Variants in CALCR observed in about 807,000 individuals in gnomAD.
CALCR encodes calcitonin receptor.
CALCR carries 47 observed loss-of-function variants against 59.5 expected under a neutral mutation model. That is an observed-to-expected ratio of 0.79 (90% CI 0.63 to 1.01). The LOEUF is 1.01. Among genes scored for constraint, CALCR ranks in the 50% least tolerant of loss-of-function variants. The pLI is 0.00. For missense variants in CALCR, 566 were observed against 597.1 expected (o/e 0.95, Z 0.54); for synonymous variants, 213 against 211.3 (o/e 1.01, Z -0.07).
At chr7:93,553,687 T>A (rs979098104) in intron 2 of CALCR, among the ~76,000 whole-genome samples, 11 of 152,160 alleles carry the variant, frequency 7.2e-5, no homozygotes, top group African/African-American at 2.7e-4. Flanking sequence ...AGTGTTGTTA[T>A]GATGATTCTA....
At chr7:93,450,299 G>T (rs118022793) in intron 8 of CALCR, among the ~76,000 whole-genome samples, 3 of 152,064 alleles carry the variant, frequency 2.0e-5, no homozygotes, top group East Asian at 3.9e-4. Context: ...CATTTGATAT[G>T]AGGTATTCTA....
In CALCR at chr7:93,426,491, G is replaced by A. The variant is rs1390708209; in HGVS notation, c.1290C>T (p.Ala430=). 8.7e-6 allele frequency: 14 copies of A among 1,613,082 alleles called. No individual in the cohort carries two copies. Among genetic ancestry groups the A allele is most frequent in the African/African-American group, 2.7e-5 (2 of 74,900 alleles). Residue 430 remains alanine (A), a synonymous_variant, in exon 14 of 14, where the codon GCC becomes GCT. Coordinates refer to ENST00000426151, the MANE Select transcript of CALCR (RefSeq NM_001742.4). ...GGATGTCGCCAGCCTCCGCAGCAGC[G>A]GCTGCAGCGCGAGCAGAGCGGTTGG... ...RPSNRSARAA[A]AAAEAGDIPI...
intron 5 of CALCR, among the ~76,000 whole-genome samples, chr7:93,475,552 T>A (rs954462493): frequency 4.6e-5 from 7 of 151,766 alleles, no homozygotes; most frequent in Non-Finnish European, 7.4e-5. Context: ...GTTTTTTTTT[T>A]AAATAAAATG....
At chr7:93,456,887 T>C (rs1800219964) in intron 8 of CALCR, among the ~76,000 whole-genome samples, 1 of 152,148 alleles carries the variant, frequency 6.6e-6, no homozygotes, top group Non-Finnish European at 1.5e-5. Flanking sequence ...TTTCTCTGGC[T>C]CCCTAAATCT....
chr7:93,544,072 A>G lies in CALCR; in HGVS notation c.-27+30217T>C, dbSNP rs569021795. Among the ~76,000 whole-genome samples, 57 of 152,232 alleles carry G rather than the reference A, an allele frequency of 3.7e-4. 1 individual carries two copies. Among genetic ancestry groups the G allele is most frequent in the African/African-American group, 1.4e-3 (57 of 41,560 alleles). On this transcript the variant is annotated intron_variant, in intron 2 of 13. Transcript: ENST00000426151. ...AGCATAACTTACGACCAATCATGAC[A>G]ATTATGACCATAAATGTAGTTGGAA... is the stretch of plus-strand genomic sequence containing the variant.
At chr7:93,574,101 T>C (rs1261540103) in intron 2 of CALCR, among the ~76,000 whole-genome samples, 188 bp downstream of exon 2, 1 of 152,218 alleles carries the variant, frequency 6.6e-6, no homozygotes, top group Admixed American at 6.5e-5. Context: ...CACCTATTTT[T>C]CTTTTTTCTT....
intron 7 of CALCR, among the ~76,000 whole-genome samples, chr7:93,463,239 T>A (rs948631876): frequency 6.6e-6 from 1 of 151,704 alleles, no homozygotes; most frequent in African/African-American, 2.4e-5. Context: ...CATATATGCA[T>A]ATAAACAGTA....
intron 2 of CALCR, among the ~76,000 whole-genome samples, chr7:93,561,843 C>T (rs1411702150): frequency 6.6e-6 from 1 of 152,014 alleles, no homozygotes; most frequent in East Asian, 1.9e-4. Flanking sequence ...AGCAAACAGG[C>T]CCTGGGTAAA....
chr7:93,529,166 G>A (rs1474220205), intron 2 of CALCR, among the ~76,000 whole-genome samples: 1 of 152,176 alleles, frequency 6.6e-6, no homozygotes, highest in African/African-American at 2.4e-5. Flanking sequence ...GGGGCCTAGT[G>A]GGAGGTGATT....
chr7:93,433,379 C>G (rs1323638810), intron 13 of CALCR, among the ~76,000 whole-genome samples: 1 of 151,992 alleles, frequency 6.6e-6, no homozygotes, highest in African/African-American at 2.4e-5. Context: ...TTGTGTGGTC[C>G]TAGAAAAAAC....
At chr7:93,466,865 A>G (rs180722510) in intron 7 of CALCR, among the ~76,000 whole-genome samples, 56 of 151,842 alleles carry the variant, frequency 3.7e-4, no homozygotes, top group Non-Finnish European at 7.2e-4. Flanking sequence ...GTAGCTTAAT[A>G]TAGAAATGAT....
At chr7:93,560,975 A>G (rs1253228798) in intron 2 of CALCR, among the ~76,000 whole-genome samples, 2 of 152,226 alleles carry the variant, frequency 1.3e-5, no homozygotes, top group Admixed American at 1.3e-4. Context: ...ATTGACTGCT[A>G]TATGCCTTGT....
chr7:93,531,933 A>G (rs7810429), intron 2 of CALCR, among the ~76,000 whole-genome samples: 56,271 of 151,838 alleles, frequency 0.37, 11,498 homozygotes, highest in Non-Finnish European at 0.47. Flanking sequence ...TACATATACC[A>G]GATAAATAAA....
chr7:93,490,770 T>C (rs886624289), intron 2 of CALCR, among the ~76,000 whole-genome samples: 2 of 151,866 alleles, frequency 1.3e-5, no homozygotes, highest in African/African-American at 4.8e-5. Flanking sequence ...CACAAACAAA[T>C]GGAAGAACAT....
At chr7:93,438,016 A>C in intron 11 of CALCR, 44 bp downstream of exon 11, 1 of 1,382,370 alleles carries the variant, frequency 7.2e-7, no homozygotes, top group African/African-American at 2.0e-5. Context: ...AATCTCAACT[A>C]AGAGATAATA....
At chr7:93,479,533 C>G in intron 3 of CALCR, 26 bp from the exon 4 acceptor site, 1 of 1,599,408 alleles carries the variant, frequency 6.3e-7, no homozygotes, top group African/African-American at 1.3e-5. Flanking sequence ...AAATCAGTTA[C>G]TTATAGACAG....
intron 8 of CALCR, among the ~76,000 whole-genome samples, chr7:93,454,091 C>CCTCT (rs931969429): frequency 2.0e-5 from 3 of 151,896 alleles, no homozygotes; most frequent in African/African-American, 7.3e-5. Context: ...TTACCATTGA[C>CCTCT]CTCTCATCTC....
chr7:93,490,337 C>T (rs1032727803), intron 2 of CALCR, among the ~76,000 whole-genome samples: 4 of 151,802 alleles, frequency 2.6e-5, no homozygotes, highest in African/African-American at 9.7e-5. Flanking sequence ...CCTTTGAAAA[C>T]CAGCATAGAC....
intron 5 of CALCR, among the ~76,000 whole-genome samples, chr7:93,474,560 A>G (rs1481007378): frequency 6.6e-6 from 1 of 151,722 alleles, no homozygotes; most frequent in Non-Finnish European, 1.5e-5. Context: ...GAAAGAAAAA[A>G]TCAGGTTGAA....
Sources: allele counts gnomAD v4.1 joint callset (sites outside exome capture counted in the v4.1 genomes callset), GRCh38; gene constraint gnomAD v4.1.1; transcripts MANE v1.5; gene names NCBI Gene and HGNC (gene_info 2026-07-23, HGNC 2026-07-21).